The following LRRC4C variants were observed in gnomAD, a reference collection of about 807,000 sequenced individuals.
LRRC4C encodes the protein leucine rich repeat containing 4C.
LRRC4C carries 5 observed loss-of-function variants against 33.6 expected under a neutral mutation model. The observed-to-expected ratio is 0.15, with a 90% confidence interval of 0.08 to 0.31. The LOEUF is 0.31. Among genes scored for constraint, LRRC4C ranks in the 10% least tolerant of loss-of-function variants. LRRC4C has a pLI of 1.00. For missense variants in LRRC4C, 560 were observed against 796.7 expected, an observed-to-expected ratio of 0.70 and a Z score of 3.58; for synonymous variants, 329 against 302.0, an observed-to-expected ratio of 1.09 and a Z score of -0.93.
chr11:40,430,461 A>G (rs939787764), intron 3 of LRRC4C, among the ~76,000 whole-genome samples: 1 of 152,172 alleles, frequency 6.6e-6, no homozygotes, highest in Non-Finnish European at 1.5e-5. Flanking sequence ...AAGCAACACT[A>G]GATGCTACAA....
intron 1 of LRRC4C, among the ~76,000 whole-genome samples, chr11:41,207,164 G>C (rs1450590726): frequency 6.6e-6 from 1 of 152,122 alleles, no homozygotes; most frequent in Non-Finnish European, 1.5e-5. Flanking sequence ...AAGGACTTAA[G>C]ACTGTGGTTT....
chr11:40,118,273 T>C (rs1855582613), intron 6 of LRRC4C, among the ~76,000 whole-genome samples: 1 of 150,288 alleles, frequency 6.7e-6, no homozygotes, highest in Admixed American at 6.6e-5. Flanking sequence ...TATTTTATTA[T>C]AAAATAATCA....
intron 1 of LRRC4C, among the ~76,000 whole-genome samples, chr11:41,290,704 C>T (rs1949968220): frequency 6.6e-6 from 1 of 152,130 alleles, no homozygotes; most frequent in Non-Finnish European, 1.5e-5. Flanking sequence ...TCCCCTCATT[C>T]TACCCTATTA....
intron 4 of LRRC4C, among the ~76,000 whole-genome samples, chr11:40,306,013 A>G (rs1464792534): frequency 6.6e-6 from 1 of 152,206 alleles, no homozygotes; most frequent in Non-Finnish European, 1.5e-5. Flanking sequence ...TAATGTAGCA[A>G]ATGTGACCAA....
At chr11:41,216,329 C>T (rs1308736814) in intron 1 of LRRC4C, among the ~76,000 whole-genome samples, 1 of 150,022 alleles carries the variant, frequency 6.7e-6, no homozygotes, top group Non-Finnish European at 1.5e-5. Flanking sequence ...ATTAACTTTG[C>T]ATTTTAATGT....
chr11:40,196,410 A>G (rs1019435312), intron 5 of LRRC4C, among the ~76,000 whole-genome samples: 6 of 152,228 alleles, frequency 3.9e-5, no homozygotes, highest in Non-Finnish European at 8.8e-5. Flanking sequence ...AATGGGATGA[A>G]CAAAAGCAAA....
At chr11:40,898,567 A>G (rs1221290977) in intron 2 of LRRC4C, among the ~76,000 whole-genome samples, 3 of 151,856 alleles carry the variant, frequency 2.0e-5, no homozygotes, top group Non-Finnish European at 4.4e-5. Flanking sequence ...ACAAAAAGAA[A>G]AGAAGGAAGA....
chr11:41,027,239 T>C (rs1565314149), intron 1 of LRRC4C, among the ~76,000 whole-genome samples: 1 of 151,686 alleles, frequency 6.6e-6, no homozygotes, highest in Non-Finnish European at 1.5e-5. Context: ...CTCTCAAAAA[T>C]GATAGCCGAA....
intron 4 of LRRC4C, among the ~76,000 whole-genome samples, chr11:40,309,307 C>G (rs192564528): frequency 1.3e-5 from 2 of 151,940 alleles, no homozygotes; most frequent in Non-Finnish European, 2.9e-5. Context: ...GGAATCATAC[C>G]ATGTGTGGTC....
At chr11:40,788,849 A>G (rs1467352282) in intron 2 of LRRC4C, among the ~76,000 whole-genome samples, 2 of 152,032 alleles carry the variant, frequency 1.3e-5, no homozygotes, top group African/African-American at 2.4e-5. Flanking sequence ...TCCCAGCACT[A>G]TGGGAGGCCG....
intron 3 of LRRC4C, among the ~76,000 whole-genome samples, chr11:40,516,282 G>C (rs1412392465): frequency 1.3e-5 from 2 of 151,984 alleles, no homozygotes; most frequent in African/African-American, 2.4e-5. Flanking sequence ...AATTCTCACA[G>C]TTTTCACTAA....
intron 1 of LRRC4C, among the ~76,000 whole-genome samples, chr11:41,129,936 C>T (rs925873962): frequency 6.6e-6 from 1 of 151,864 alleles, no homozygotes; most frequent in Non-Finnish European, 1.5e-5. Flanking sequence ...TACATCTTTC[C>T]TCTTATGGCT....
intron 3 of LRRC4C, among the ~76,000 whole-genome samples, chr11:40,453,601 CA>C (rs1007791197): frequency 7.1e-6 from 1 of 141,386 alleles, no homozygotes; most frequent in African/African-American, 2.6e-5. Context: ...ACCAAAACCA[CA>C]AAAAGGCATT....
intron 1 of LRRC4C, among the ~76,000 whole-genome samples, chr11:40,980,338 T>C (rs764322674): frequency 6.6e-6 from 1 of 152,214 alleles, no homozygotes; most frequent in East Asian, 1.9e-4. Flanking sequence ...AAAATATTTA[T>C]ATTCTCCGCT....
intron 1 of LRRC4C, among the ~76,000 whole-genome samples, chr11:41,458,847 C>A (rs1482476474): frequency 6.6e-6 from 1 of 152,090 alleles, no homozygotes; most frequent in Non-Finnish European, 1.5e-5. Context: ...AAATACTAAA[C>A]AATTTCCACT....
chr11:40,859,904 A>G (rs1247672753), intron 2 of LRRC4C, among the ~76,000 whole-genome samples: 1 of 151,920 alleles, frequency 6.6e-6, no homozygotes, highest in Non-Finnish European at 1.5e-5. Flanking sequence ...GTGAAACCCC[A>G]TCTCTACTAA....
chr11:40,260,494 T>C (rs1220905706), intron 4 of LRRC4C, among the ~76,000 whole-genome samples: 4 of 150,692 alleles, frequency 2.7e-5, no homozygotes, highest in Non-Finnish European at 4.4e-5. Flanking sequence ...GCATGGCACA[T>C]GTATACATAT....
At chr11:41,279,365 C>T (rs1399143164) in intron 1 of LRRC4C, among the ~76,000 whole-genome samples, 1 of 135,542 alleles carries the variant, frequency 7.4e-6, no homozygotes, top group Non-Finnish European at 1.5e-5. Context: ...TCCATCCCAT[C>T]ACATACACAC....
At chr11:41,171,076 A>G (rs1377263984) in intron 1 of LRRC4C, among the ~76,000 whole-genome samples, 1 of 152,076 alleles carries the variant, frequency 6.6e-6, no homozygotes, top group Admixed American at 6.6e-5. Context: ...ACCAGTTAGA[A>G]TGGTGATCAT....
Sources: gnomAD v4.1 joint callset for allele counts (sites outside exome capture counted in the v4.1 genomes callset) on GRCh38, gnomAD v4.1.1 for gene constraint, MANE v1.5 for transcripts, NCBI Gene and HGNC (gene_info 2026-07-23, HGNC 2026-07-21) for gene names.